Variants in BZW1 observed in about 807,000 individuals in gnomAD.
BZW1 encodes basic leucine zipper and W2 domains 1, also known as eIF5-mimic protein 2.
In BZW1, 3 loss-of-function variants were observed where a neutral mutation model predicts 54.1. The ratio of observed to expected loss-of-function variants is 0.06; its 90% CI spans 0.03 to 0.14. The LOEUF is 0.14. Among genes scored for constraint, BZW1 ranks in the 10% least tolerant of loss-of-function variants. The pLI, the probability that BZW1 is intolerant of heterozygous loss-of-function variation, is 1.00. For missense variants in BZW1, 206 were observed against 491.7 expected (o/e 0.42, Z 5.50); for synonymous variants, 152 against 162.7 (o/e 0.93, Z 0.50).
At chr2:200,812,626 G>A in intron 1 of BZW1, 1 of 1,312,388 alleles carries the variant, frequency 7.6e-7, no homozygotes, top group East Asian at 2.5e-5. Flanking sequence ...CGTTACCGGG[G>A]AGGAGGCTAG....
In BZW1 at chr2:200,826,409, T is replaced by TAGA. The variant is rs1559318418; in HGVS notation, c.*4231_*4232insAGA. 5.4e-4 allele frequency: 19 copies of TAGA among 35,278 alleles called. No individual in the cohort carries two copies. The South Asian group carries it at 6.1e-3, about 11-fold the overall frequency. 2.2% of individuals were successfully genotyped at this position (35,278 alleles called of 1,614,324 possible). On this transcript the variant is annotated 3_prime_UTR_variant, in exon 12 of 12. Transcript: ENST00000409600. ...GATAGATAGATAGATAGATAGATAT[T>TAGA]TTTTTTTTTTTTTTTTTTTTTTTTT...
chr2:200,815,933 G>T (rs935645428), intron 4 of BZW1, among the ~76,000 whole-genome samples, 172 bp downstream of exon 4: 1 of 152,146 alleles, frequency 6.6e-6, no homozygotes, highest in Admixed American at 6.5e-5. Flanking sequence ...GGTGTGTTAA[G>T]GCGAACAAAA....
chr2:200,812,757 C>G, intron 1 of BZW1: 1 of 721,388 alleles, frequency 1.4e-6, no homozygotes, highest in Non-Finnish European at 2.6e-6. Context: ...CTGCCCGTAA[C>G]CAGGCTTGTC....
rs552665147 is a variant in BZW1 at position 200,815,622 on chromosome 2, G to A, written c.242-45G>A. 1.9e-6 allele frequency: 3 copies of A among 1,584,240 alleles called. No individual in the cohort carries two copies. In the Admixed American group the frequency reaches 5.5e-5, roughly 29 times the overall value. On this transcript the variant is annotated intron_variant, in intron 3 of 11. Coordinates refer to ENST00000409600, the MANE Select transcript of BZW1 (RefSeq NM_001207067.2). The stretch of plus-strand genomic sequence containing the variant: ...TATTTGGCAAACTTGTTAAAATGGA[G>A]TGATTTTTTTGGTTTTGTTGTATTT...
At chr2:200,822,066 C>G in intron 11 of BZW1, 81 bp from the exon 12 acceptor site, 1 of 1,348,014 alleles carries the variant, frequency 7.4e-7, no homozygotes, top group Non-Finnish European at 1.0e-6. Flanking sequence ...GAGACTCTGT[C>G]TTAAAGAAGC....
rs1465251187 is a variant in BZW1, at chr2:200,825,632, TTC to T, written c.*3456_*3457del. 6.6e-6 allele frequency: 1 copy of T among 152,230 alleles called. No homozygotes were observed. The highest frequency in any genetic ancestry group is 1.9e-4 in the East Asian group (1 of 5,196). The allele number at this position is 152,230 out of a possible 1,614,324, so 9.4% of individuals were successfully genotyped here. On this transcript the variant is annotated 3_prime_UTR_variant, in exon 12 of 12. Coordinates refer to ENST00000409600, the MANE Select transcript of BZW1 (RefSeq NM_001207067.2). ...TGCTGTCTTTCAAGGTCTTAACAGA[TTC>T]TTTCTTGATTATAAATGTATTACTA...
In BZW1 at chr2:200,823,544, C is replaced by T. The variant is rs989046013; in HGVS notation, c.*1366C>T. 1 of 152,144 alleles carries T rather than the reference C, an allele frequency of 6.6e-6. No homozygotes were observed. Among genetic ancestry groups the T allele is most frequent in the African/African-American group, 2.4e-5 (1 of 41,270 alleles). The allele number at this position is 152,144 out of a possible 1,614,324, so 9.4% of individuals were successfully genotyped here. On this transcript the variant is annotated 3_prime_UTR_variant, in exon 12 of 12. Coordinates refer to ENST00000409600, the MANE Select transcript of BZW1 (RefSeq NM_001207067.2). ...ATGCCACCAGAGACTGAGTGGAAAT[C>T]GCCCCTTTTGAAGGTGCCATTCTTA...
chr2:200,822,355 T>G lies in BZW1; in HGVS notation c.*177T>G. On this transcript the variant is annotated 3_prime_UTR_variant, in exon 12 of 12. Transcript: ENST00000409600. ...TGCTGGAAATGTTGGGTTTAGTTTC[T>G]AAAACCATGTTTTAAGTAGCTACAG... 2 of 537,108 alleles carry G rather than the reference T, an allele frequency of 3.7e-6. No individual in the cohort carries two copies. Among genetic ancestry groups the G allele is most frequent in the Non-Finnish European group, 6.3e-6 (2 of 315,220 alleles). 33.3% of individuals were successfully genotyped at this position (537,108 alleles called of 1,614,324 possible).
Position 200,824,648 on chromosome 2 carries a change from TATC to T in BZW1, c.*2473_*2475del, listed in dbSNP as rs1468463412. 6.6e-6 allele frequency: 1 copy of T among 151,652 alleles called. No homozygotes were observed. The highest frequency in any genetic ancestry group is 1.5e-5 in the Non-Finnish European group (1 of 67,932). 9.4% of individuals were successfully genotyped at this position (151,652 alleles called of 1,614,324 possible). A position where few individuals can be genotyped will look rare whatever the true frequency, so the allele number is the denominator to read the frequency against. On this transcript the variant is annotated 3_prime_UTR_variant, in exon 12 of 12. Coordinates refer to ENST00000409600, the MANE Select transcript of BZW1 (RefSeq NM_001207067.2). ...CAGTTTTTCAAAAGCTTTTTTCCAT[TATC>T]ATACCCCCAGCCTTTTTAGGCTTTT...
Position 200,826,254 on chromosome 2 carries a change from A to G in BZW1, c.*4076A>G, listed in dbSNP as rs1019015206. ...TTCACTTTTTTCTCCCAGCTTAACT[A>G]GAGGCAATTAACAGTCATTTCAAAT... On this transcript the variant is annotated 3_prime_UTR_variant, in exon 12 of 12. Coordinates refer to ENST00000409600, the MANE Select transcript of BZW1 (RefSeq NM_001207067.2). 7.9e-5 allele frequency: 12 copies of G among 152,118 alleles called. No homozygotes were observed. The highest frequency in any genetic ancestry group is 5.8e-4 in the East Asian group (3 of 5,192). 9.4% of individuals were successfully genotyped at this position (152,118 alleles called of 1,614,324 possible). A position where few individuals can be genotyped will look rare whatever the true frequency, so the allele number is the denominator to read the frequency against.
At chr2:200,817,284 G>C (rs746395611) in intron 6 of BZW1, 43 bp downstream of exon 6, 2 of 1,600,212 alleles carry the variant, frequency 1.2e-6, no homozygotes, top group African/African-American at 2.7e-5. Flanking sequence ...CTCAGAGTGG[G>C]GTGGATAAGA....
intron 11 of BZW1, among the ~76,000 whole-genome samples, 178 bp from the exon 12 acceptor site, chr2:200,821,969 T>G (rs2105706953): frequency 6.6e-6 from 1 of 152,228 alleles, no homozygotes; most frequent in East Asian, 1.9e-4. Flanking sequence ...CTTGGGAAAC[T>G]GAAGTGGGAG....
chr2:200,817,012 C>G (rs1196148595), intron 5 of BZW1, 94 bp from the exon 6 acceptor site: 38 of 1,409,774 alleles, frequency 2.7e-5, no homozygotes, highest in Non-Finnish European at 3.5e-5. Flanking sequence ...CCAGAGCCCA[C>G]GTATTGAACA....
intron 11 of BZW1, among the ~76,000 whole-genome samples, chr2:200,821,663 TACA>T (rs1294308764): frequency 1.3e-5 from 2 of 152,068 alleles, no homozygotes; most frequent in Non-Finnish European, 2.9e-5. Context: ...CCTCACAAAG[TACA>T]GGGATTGCAG....
At chr2:200,817,576 A>AAAATGTCAAGCTGGAG in intron 6 of BZW1, among the ~76,000 whole-genome samples, 1 of 152,188 alleles carries the variant, frequency 6.6e-6, no homozygotes, top group Non-Finnish European at 1.5e-5. Context: ...TCAAGCTGGA[A>AAAATGTCAAGCTGGAG]GGGAAAATCA....
In BZW1 at chr2:200,813,293, C is replaced by G; in HGVS notation, c.64+12C>G. On this transcript the variant is annotated intron_variant, in intron 2 of 11. Transcript: ENST00000409600. Reference sequence around the variant, plus strand: ...AACTAGAAAAAGAGGTAAATATTTACGTTTTAATGTCTCTCTTCAAACCTC... The same window carrying G: ...AACTAGAAAAAGAGGTAAATATTTAGGTTTTAATGTCTCTCTTCAAACCTC... 1 of 1,605,816 alleles carries G rather than the reference C, an allele frequency of 6.2e-7. No individual in the cohort carries two copies. The highest frequency in any genetic ancestry group is 8.5e-7 in the Non-Finnish European group (1 of 1,173,314).
intron 1 of BZW1, 100 bp from the exon 2 acceptor site, chr2:200,813,108 G>A: frequency 2.1e-6 from 2 of 948,386 alleles, no homozygotes; most frequent in Non-Finnish European, 3.3e-6. Context: ...GAGAGTGGGT[G>A]TTCCATTTGA....
At position 200,818,743 on chromosome 2, in the gene BZW1, A is replaced by G. The variant is rs947944517; in HGVS notation, c.820-12A>G. 6.4e-7 allele frequency: 1 copy of G among 1,573,978 alleles called. No homozygotes were observed. Among genetic ancestry groups the G allele is most frequent in the Non-Finnish European group, 8.5e-7 (1 of 1,169,610 alleles). ...AACTGACTTCTGTTACTAAATTTGGATTCATTTGCAGATAATTTTATATGT... is the reference window on the plus strand; with the variant it reads ...AACTGACTTCTGTTACTAAATTTGGGTTCATTTGCAGATAATTTTATATGT... On this transcript the variant is annotated splice_polypyrimidine_tract_variant and intron_variant, in intron 8 of 11. Transcript: ENST00000409600.
At chr2:200,821,822 G>A (rs559797814) in intron 11 of BZW1, among the ~76,000 whole-genome samples, 11 of 152,336 alleles carry the variant, frequency 7.2e-5, no homozygotes, top group African/African-American at 2.6e-4. Context: ...TGTAATCCTA[G>A]CACTTTGGGA....
Sources: gnomAD v4.1 joint callset for allele counts (sites outside exome capture counted in the v4.1 genomes callset) on GRCh38, gnomAD v4.1.1 for gene constraint, MANE v1.5 for transcripts, NCBI Gene and HGNC (gene_info 2026-07-23, HGNC 2026-07-21) for gene names.